The following AFAP1 variants were observed in gnomAD, a reference collection of about 807,000 sequenced individuals.
The protein encoded by AFAP1 is actin filament-associated protein 1.
A neutral mutation model predicts 93.9 loss-of-function variants in AFAP1; 75 were observed. The ratio of observed to expected loss-of-function variants is 0.80; its 90% CI spans 0.66 to 0.97. The LOEUF is 0.97. Among genes scored for constraint, AFAP1 ranks in the 50% least tolerant of loss-of-function variants. AFAP1 has a pLI of 0.00. For synonymous variants in AFAP1, 517 were observed against 430.7 expected (o/e 1.20, Z -2.48); for missense variants, 1,201 against 1,050.8 (o/e 1.14, Z -1.98).
In AFAP1 at chr4:7,868,809, G is replaced by A. The variant is rs565204379; in HGVS notation, c.128-90C>T. 4.4e-5 allele frequency: 48 copies of A among 1,101,370 alleles called. No individual in the cohort carries two copies. The African/African-American group carries it at 7.2e-4, about 16-fold the overall frequency. The allele number at this position is 1,101,370 out of a possible 1,614,324, so 68.2% of individuals were successfully genotyped here. A position where few individuals can be genotyped will look rare whatever the true frequency, so the allele number is the denominator to read the frequency against. On this transcript the variant is annotated intron_variant, in intron 2 of 17. Coordinates refer to ENST00000420658, the MANE Select transcript of AFAP1 (RefSeq NM_001134647.2). ...TCTATCAGTTCCTGAACCCTGTGTT[G>A]AACACTTTGCAAATATTTATTTTCT...
chr4:7,913,308 T>G (rs928094621), intron 1 of AFAP1, among the ~76,000 whole-genome samples: 2 of 150,036 alleles, frequency 1.3e-5, no homozygotes, highest in African/African-American at 2.5e-5. Context: ...GAGGATCTCT[T>G]GAGCCTATGA....
intron 4 of AFAP1, among the ~76,000 whole-genome samples, chr4:7,852,644 C>A (rs532832111): frequency 5.9e-5 from 9 of 152,224 alleles, no homozygotes; most frequent in Admixed American, 5.2e-4. Flanking sequence ...AAAACCACGA[C>A]CAACCAAGGG....
At chr4:7,778,635 C>T (rs560209546) in intron 14 of AFAP1, 127 bp downstream of exon 14, 16 of 876,146 alleles carry the variant, frequency 1.8e-5, no homozygotes, top group East Asian at 4.8e-5. Context: ...GGAAGGATGA[C>T]GGTGCCCACC....
intron 6 of AFAP1, among the ~76,000 whole-genome samples, chr4:7,827,888 G>A (rs1057062185): frequency 2.0e-5 from 3 of 152,096 alleles, no homozygotes; most frequent in African/African-American, 7.2e-5. Flanking sequence ...GACAGTCAAG[G>A]CTCCGAGAGT....
intron 5 of AFAP1, 152 bp from the exon 6 acceptor site, chr4:7,838,855 C>CACAT (rs1712640522): frequency 5.8e-6 from 4 of 691,868 alleles, no homozygotes; most frequent in African/African-American, 3.6e-5. Context: ...CACACACACA[C>CACAT]ACATACACAC....
rs201058647 is a variant in AFAP1 at position 7,916,611 on chromosome 4, TGCA to T, written c.-3+23042_-3+23044del. Reference sequence around the variant, plus strand: ...CCCAGGATGACTCCCCTCCCCCTCCTGCAGGAGTGGGAAGGGTGGGCATAGCAC... The same window carrying T: ...CCCAGGATGACTCCCCTCCCCCTCCTGGAGTGGGAAGGGTGGGCATAGCAC... On this transcript the variant is annotated intron_variant, in intron 1 of 17. Coordinates refer to ENST00000420658, the MANE Select transcript of AFAP1 (RefSeq NM_001134647.2). Among the ~76,000 whole-genome samples, 1,214 of 152,270 alleles carry T rather than the reference TGCA, an allele frequency of 8.0e-3. 11 individuals carry two copies. Among genetic ancestry groups the T allele is most frequent in the African/African-American group, 0.027 (1,130 of 41,568 alleles).
At chr4:7,887,591 G>C (rs1718206291) in intron 1 of AFAP1, among the ~76,000 whole-genome samples, 1 of 152,096 alleles carries the variant, frequency 6.6e-6, no homozygotes, top group Non-Finnish European at 1.5e-5. Context: ...TAACCATTTG[G>C]AATGAGCATT....
intron 9 of AFAP1, among the ~76,000 whole-genome samples, chr4:7,802,145 A>T (rs943856573): frequency 2.0e-4 from 31 of 152,180 alleles, no homozygotes; most frequent in African/African-American, 7.2e-4. Context: ...ATAAAGTCTA[A>T]ATTTTCATTG....
At chr4:7,893,529 C>T (rs1050325854) in intron 1 of AFAP1, among the ~76,000 whole-genome samples, 11 of 136,570 alleles carry the variant, frequency 8.1e-5, no homozygotes, top group Non-Finnish European at 1.7e-4. Flanking sequence ...TGCAGTGAGC[C>T]GAGATCACGC....
chr4:7,771,341 T>C (rs1233939176), intron 16 of AFAP1, among the ~76,000 whole-genome samples: 1 of 152,196 alleles, frequency 6.6e-6, no homozygotes, highest in Admixed American at 6.5e-5. Context: ...CATATGCATA[T>C]GTGTGTATGT....
intron 11 of AFAP1, among the ~76,000 whole-genome samples, chr4:7,792,615 A>G (rs1717969792): frequency 6.6e-6 from 1 of 152,190 alleles, no homozygotes; most frequent in African/African-American, 2.4e-5. Flanking sequence ...AAAAAAATCA[A>G]GGCAGCTAGT....
At chr4:7,811,100 C>G (rs1478056239) in intron 8 of AFAP1, among the ~76,000 whole-genome samples, 2 of 152,232 alleles carry the variant, frequency 1.3e-5, no homozygotes, top group African/African-American at 4.8e-5. Flanking sequence ...ATGTGCCCAG[C>G]ACTGGAGCTG....
chr4:7,771,886 G>A (rs1715489405), intron 16 of AFAP1, among the ~76,000 whole-genome samples: 1 of 152,130 alleles, frequency 6.6e-6, no homozygotes, highest in South Asian at 2.1e-4. Context: ...GAGGCTTGGA[G>A]GAGAAGGGGA....
At chr4:7,844,542 C>A in intron 4 of AFAP1, among the ~76,000 whole-genome samples, 1 of 152,198 alleles carries the variant, frequency 6.6e-6, no homozygotes, top group Non-Finnish European at 1.5e-5. Flanking sequence ...TCGCAGCACA[C>A]CTCAACACTG....
chr4:7,859,846 T>C (rs1405955247), intron 3 of AFAP1, among the ~76,000 whole-genome samples: 1 of 152,150 alleles, frequency 6.6e-6, no homozygotes, highest in Non-Finnish European at 1.5e-5. Flanking sequence ...TAAGGAAAAG[T>C]GAATTCTTTA....
chr4:7,778,447 G>GTCTCC (rs1716382637), intron 14 of AFAP1: 1 of 434,756 alleles, frequency 2.3e-6, no homozygotes, highest in Non-Finnish European at 4.2e-6. Flanking sequence ...AGGAGCTGAG[G>GTCTCC]TCTCCTGACC....
chr4:7,771,685 C>G (rs1715461133), intron 16 of AFAP1, among the ~76,000 whole-genome samples: 1 of 152,198 alleles, frequency 6.6e-6, no homozygotes, highest in Non-Finnish European at 1.5e-5. Context: ...CAAGCCCTGG[C>G]CTGTGTGACC....
At chr4:7,875,790 A>G (rs966117229) in intron 1 of AFAP1, among the ~76,000 whole-genome samples, 1 of 152,250 alleles carries the variant, frequency 6.6e-6, no homozygotes, top group African/African-American at 2.4e-5. Context: ...ATGCTGCAAC[A>G]TGAACAAACC....
intron 6 of AFAP1, among the ~76,000 whole-genome samples, chr4:7,827,850 G>T (rs11736966): frequency 6.6e-6 from 1 of 152,112 alleles, no homozygotes; most frequent in Non-Finnish European, 1.5e-5. Context: ...CGTCTCATCC[G>T]AGCGAGGGAG....
Sources: gnomAD v4.1 joint callset for allele counts (sites outside exome capture counted in the v4.1 genomes callset) on GRCh38, gnomAD v4.1.1 for gene constraint, MANE v1.5 for transcripts, NCBI Gene and HGNC (gene_info 2026-07-23, HGNC 2026-07-21) for gene names.